Variants in LSAMP observed in about 807,000 individuals in gnomAD.
The protein encoded by LSAMP is limbic system-associated membrane protein.
Under a neutral mutation model 38.6 loss-of-function variants are expected in LSAMP, and 7 were observed. The observed-to-expected ratio is 0.18, with a 90% CI of 0.10 to 0.34. The LOEUF (loss-of-function observed/expected upper bound fraction) is 0.34. Ranked by LOEUF, LSAMP falls within the 10% of genes least tolerant of loss-of-function variation. LSAMP has a pLI of 1.00. For missense variants in LSAMP, 313 were observed against 420.0 expected (o/e 0.75, Z 2.23); for synonymous variants, 154 against 166.8 (o/e 0.92, Z 0.59).
In LSAMP at chr3:115,862,981, C is replaced by T. The variant is rs535422762; in HGVS notation, c.515-10364G>A. Among the ~76,000 whole-genome samples, 5 of 152,256 alleles carry T rather than the reference C, an allele frequency of 3.3e-5. No homozygotes were observed. In the South Asian group the frequency reaches 8.3e-4, roughly 25 times the overall value. On this transcript the variant is annotated intron_variant, in intron 3 of 6. Coordinates refer to ENST00000490035, the MANE Select transcript of LSAMP (RefSeq NM_002338.5). ...GTCCCTCTCCCAGGCTGGGCCCATG[C>T]GCTCCTAGAAGGCTATGAGGCCAGT...
intron 1 of LSAMP, among the ~76,000 whole-genome samples, chr3:116,149,470 A>C (rs1241202485): frequency 6.6e-6 from 1 of 151,772 alleles, no homozygotes; most frequent in Non-Finnish European, 1.5e-5. Context: ...AATCCCTTTC[A>C]CTCCTGTTTT....
At chr3:116,372,764 C>T (rs143571587) in intron 1 of LSAMP, among the ~76,000 whole-genome samples, 1,747 of 151,024 alleles carry the variant, frequency 0.012, 16 homozygotes, top group Middle Eastern at 0.027. Flanking sequence ...ACAGAAATTA[C>T]TAATAAGCAC....
chr3:116,006,688 C>T (rs1333305872), intron 3 of LSAMP, among the ~76,000 whole-genome samples: 14 of 152,162 alleles, frequency 9.2e-5, no homozygotes, highest in Admixed American at 5.2e-4. Context: ...CACCCCCTGC[C>T]GACTTCTGTG....
chr3:116,106,772 T>C (rs1173998846), intron 1 of LSAMP, among the ~76,000 whole-genome samples: 1 of 152,162 alleles, frequency 6.6e-6, no homozygotes, highest in East Asian at 1.9e-4. Flanking sequence ...TGAAAGTGTC[T>C]ACCTAGACTA....
intron 1 of LSAMP, among the ~76,000 whole-genome samples, chr3:116,104,778 C>G (rs1708424933): frequency 6.6e-6 from 1 of 152,088 alleles, no homozygotes; most frequent in African/African-American, 2.4e-5. Flanking sequence ...CTCACTCTAC[C>G]TTTTTAAGAG....
At chr3:116,382,709 C>A (rs533353697) in intron 1 of LSAMP, among the ~76,000 whole-genome samples, 11 of 151,908 alleles carry the variant, frequency 7.2e-5, no homozygotes, top group African/African-American at 2.7e-4. Flanking sequence ...GTTTGCTGAC[C>A]TCTGATCTAA....
intron 3 of LSAMP, among the ~76,000 whole-genome samples, chr3:116,016,997 T>C (rs1940503210): frequency 6.6e-6 from 1 of 152,148 alleles, no homozygotes; most frequent in Non-Finnish European, 1.5e-5. Flanking sequence ...TCTGAGTTTA[T>C]GTAAATACAG....
rs142998481 is a variant in LSAMP at position 116,315,430 on chromosome 3, G to T, written c.155+129447C>A. 8.7e-4 allele frequency among the ~76,000 whole-genome samples: 133 copies of T among 152,186 alleles called. 1 individual carries two copies. Among genetic ancestry groups the T allele is most frequent in the African/African-American group, 3.1e-3 (127 of 41,526 alleles). On this transcript the variant is annotated intron_variant, in intron 1 of 6. Transcript: ENST00000490035. ...TGGGGAGGGAAATTTACATATCTAT[G>T]TTAGAAATGGGGACAGAGTTAAATG...
chr3:115,816,727 A>G (rs1577031218), intron 6 of LSAMP: 1 of 741,912 alleles, frequency 1.3e-6, no homozygotes, highest in Non-Finnish European at 2.0e-6. Context: ...GTAATCTGAT[A>G]TTCTCCACTG....
At chr3:116,295,460 G>A (rs577758336) in intron 1 of LSAMP, among the ~76,000 whole-genome samples, 2 of 152,280 alleles carry the variant, frequency 1.3e-5, no homozygotes, top group South Asian at 4.1e-4. Context: ...ACAGCATAAA[G>A]CTATAATTCT....
intron 3 of LSAMP, among the ~76,000 whole-genome samples, chr3:116,004,560 A>G (rs1260360385): frequency 8.6e-5 from 13 of 150,418 alleles, no homozygotes. Flanking sequence ...AGGTGCATAT[A>G]TATATATACA....
chr3:116,171,324 C>A (rs551871707), intron 1 of LSAMP, among the ~76,000 whole-genome samples: 1 of 152,064 alleles, frequency 6.6e-6, no homozygotes, highest in Admixed American at 6.6e-5. Flanking sequence ...ACTATATTAG[C>A]TAGAGATGAG....
intron 3 of LSAMP, among the ~76,000 whole-genome samples, chr3:115,981,284 T>G (rs1247173316): frequency 6.6e-6 from 1 of 152,184 alleles, no homozygotes; most frequent in Admixed American, 6.5e-5. Flanking sequence ...TACACCTTTA[T>G]AGTAAAATTA....
At chr3:116,383,240 CT>C (rs2048584993) in intron 1 of LSAMP, among the ~76,000 whole-genome samples, 1 of 152,082 alleles carries the variant, frequency 6.6e-6, no homozygotes, top group Non-Finnish European at 1.5e-5. Context: ...TATCTGAAAC[CT>C]CTATTTTCTA....
intron 1 of LSAMP, among the ~76,000 whole-genome samples, chr3:116,130,987 C>CTTTT (rs148232332): frequency 1.8e-5 from 2 of 112,654 alleles, no homozygotes; most frequent in Non-Finnish European, 3.5e-5. Flanking sequence ...AGGTTCCACA[C>CTTTT]TTTTTTTTTT....
intron 1 of LSAMP, among the ~76,000 whole-genome samples, chr3:116,258,470 T>C (rs1457623507): frequency 6.6e-6 from 1 of 150,428 alleles, no homozygotes; most frequent in African/African-American, 2.4e-5. Context: ...ATCTTTAAAG[T>C]AGTAAACAGA....
chr3:116,347,341 A>G lies in LSAMP; in HGVS notation c.155+97536T>C, dbSNP rs1336437417. ...ATTTTCACGGTTAGTAGGTCAGTCAAATAACTGCTTCAGAAAACAAATATT... is the reference window on the plus strand; with the variant it reads ...ATTTTCACGGTTAGTAGGTCAGTCAGATAACTGCTTCAGAAAACAAATATT... On this transcript the variant is annotated intron_variant, in intron 1 of 6. Transcript: ENST00000490035. Among the ~76,000 whole-genome samples the G allele has an allele frequency of 2.0e-5, 3 of 152,138 alleles. No homozygotes were observed. The East Asian group carries it at 5.8e-4, about 29-fold the overall frequency.
chr3:116,359,627 T>A (rs984304442), intron 1 of LSAMP, among the ~76,000 whole-genome samples: 3 of 152,210 alleles, frequency 2.0e-5, no homozygotes, highest in African/African-American at 7.2e-5. Context: ...ACAGGTTTGT[T>A]ACATAGGTAA....
chr3:116,142,628 A>G (rs1226587133), intron 1 of LSAMP, among the ~76,000 whole-genome samples: 1 of 151,970 alleles, frequency 6.6e-6, no homozygotes, highest in Non-Finnish European at 1.5e-5. Context: ...ATTATTCTGC[A>G]TGTTATCCCT....
Sources: gnomAD v4.1 joint callset for allele counts (sites outside exome capture counted in the v4.1 genomes callset) on GRCh38, gnomAD v4.1.1 for gene constraint, MANE v1.5 for transcripts, NCBI Gene and HGNC (gene_info 2026-07-23, HGNC 2026-07-21) for gene names.